MITD1: variants seen among roughly 807,000 people sequenced by gnomAD.
The protein encoded by MITD1 is microtubule interacting and trafficking domain containing 1.
Under a neutral mutation model 34.9 loss-of-function variants are expected in MITD1, and 24 were observed. The ratio of observed to expected loss-of-function variants is 0.69; its 90% CI spans 0.50 to 0.97. The LOEUF (loss-of-function observed/expected upper bound fraction) is 0.97. Among genes scored for constraint, MITD1 ranks in the 50% least tolerant of loss-of-function variants. The pLI, the probability that MITD1 is intolerant of heterozygous loss-of-function variation, is 0.00. For synonymous variants in MITD1, 102 were observed against 101.4 expected, an observed-to-expected ratio of 1.01 and a Z score of -0.04; for missense variants, 266 against 294.6, an observed-to-expected ratio of 0.90 and a Z score of 0.71.
intron 1 of MITD1, among the ~76,000 whole-genome samples, chr2:99,174,986 A>C (rs1255504504): frequency 6.6e-6 from 1 of 152,214 alleles, no homozygotes. Context: ...TCGGCCTCCC[A>C]AAGTGCTGGG....
Position 99,162,736 on chromosome 2 carries a change from A to G in MITD1, c.*4-518T>C, listed in dbSNP as rs1277039483. 1.9e-6 allele frequency: 3 copies of G among 1,614,226 alleles called. No homozygotes were observed. The Admixed American group carries it at 5.0e-5, about 27-fold the overall frequency. On this transcript the variant is annotated intron_variant, in intron 7 of 7. Transcript: ENST00000422537. Reference sequence around the variant, plus strand: ...GATGAGACACTGTTTCCTGGAATAAATAGCAAAGCCAAAGAACTGCAAACT... The same window carrying G: ...GATGAGACACTGTTTCCTGGAATAAGTAGCAAAGCCAAAGAACTGCAAACT...
intron 1 of MITD1, among the ~76,000 whole-genome samples, chr2:99,179,802 C>A (rs7568749): frequency 0.056 from 8,556 of 152,156 alleles, 473 homozygotes; most frequent in East Asian, 0.21. Context: ...ACCTCATGAT[C>A]CACCTGCCTC....
At chr2:99,176,685 C>T (rs11682366) in intron 1 of MITD1, among the ~76,000 whole-genome samples, 2 of 145,500 alleles carry the variant, frequency 1.4e-5, no homozygotes, top group African/African-American at 2.5e-5. Context: ...TGTGTGTGTG[C>T]GCGTGTGTGT....
chr2:99,170,610 C>G lies in MITD1; in HGVS notation c.520G>C (p.Glu174Gln). Residue 174 changes from glutamate (E) to glutamine (Q), a missense_variant, in exon 5 of 7, where the codon GAA (glutamate) becomes CAA (glutamine). Physicochemically the swap from Glu to Gln is conservative, Grantham distance 29. Transcript: ENST00000289359. Reference protein sequence around the residue: ...VQQSRGLQEIEESLRSHGVLL... With the variant: ...VQQSRGLQEIQESLRSHGVLL... ...ACTCCGTGACTCCTGAGTGACTCTT[C>G]TATTTCTTGCAGGCCTCTACTTTGC... The G allele has an allele frequency of 1.9e-6, 3 of 1,608,732 alleles. No individual in the cohort carries two copies. The highest frequency in any genetic ancestry group is 1.7e-6 in the Non-Finnish European group (2 of 1,175,788).
chr2:99,174,051 A>AAATAGTTTT lies in MITD1; in HGVS notation c.152-44_152-36dup, dbSNP rs1471478922. ...TAAAAATATATATTATCAAGTATCA[A>AAATAGTTTT]AATAGTTTTTCTATTTAATTTGGGC... On this transcript the variant is annotated intron_variant, in intron 1 of 6. Transcript: ENST00000289359. 5 of 1,081,490 alleles carry AAATAGTTTT rather than the reference A, an allele frequency of 4.6e-6. No individual in the cohort carries two copies. The African/African-American group carries it at 8.1e-5, about 18-fold the overall frequency. 67.0% of individuals were successfully genotyped at this position (1,081,490 alleles called of 1,614,324 possible).
chr2:99,162,745 C>T, intron 7 of MITD1: 1 of 1,614,058 alleles, frequency 6.2e-7, no homozygotes, highest in Non-Finnish European at 8.5e-7. Context: ...AATAGCAAAG[C>T]CAAAGAACTG....
intron 1 of MITD1, among the ~76,000 whole-genome samples, chr2:99,174,262 A>G (rs1454478627): frequency 1.3e-5 from 2 of 152,212 alleles, no homozygotes; most frequent in Non-Finnish European, 2.9e-5. Context: ...TCTCTGGGAC[A>G]TCAAATCTGG....
At chr2:99,168,384 G>C (rs1372300897), downstream of MITD1, among the ~76,000 whole-genome samples, 1 of 152,264 alleles carries the variant, frequency 6.6e-6, no homozygotes, top group Middle Eastern at 3.4e-3. Context: ...CAGGTGATCC[G>C]CCTGCCTTTG....
intron 4 of MITD1, 30 bp from the exon 5 acceptor site, chr2:99,170,682 C>T (rs776653313): frequency 1.4e-5 from 15 of 1,040,554 alleles, no homozygotes; most frequent in East Asian, 9.6e-5. Flanking sequence ...GATTATCTGC[C>T]GCAGTTATTA....
chr2:99,174,167 T>C, intron 1 of MITD1, 151 bp from the exon 2 acceptor site: 1 of 557,176 alleles, frequency 1.8e-6, no homozygotes, highest in South Asian at 2.4e-5. Context: ...AACTCAAATT[T>C]GGCTTGAACA....
Position 99,171,443 on chromosome 2 carries a change from G to A in MITD1, c.391-14C>T. On this transcript the variant is annotated splice_polypyrimidine_tract_variant and intron_variant, in intron 3 of 6. Transcript: ENST00000289359. Reference sequence around the variant, plus strand: ...AAAGTTATACAGCTAAAAGACATTAGAATGGATTATTACTAATTTAGTACA... The same window carrying A: ...AAAGTTATACAGCTAAAAGACATTAAAATGGATTATTACTAATTTAGTACA... 6.2e-7 allele frequency: 1 copy of A among 1,603,312 alleles called. No individual in the cohort carries two copies. Among genetic ancestry groups the A allele is most frequent in the Non-Finnish European group, 8.5e-7 (1 of 1,170,656 alleles).
In MITD1 at chr2:99,171,269, G is replaced by A. The variant is rs150586347; in HGVS notation, c.477+74C>T. ...AATCTAGCTGAAGCACTGCATCTGT[G>A]TTCTCCTTGACTGGACTACATCTTG... is the stretch of plus-strand genomic sequence containing the variant. On this transcript the variant is annotated intron_variant, in intron 4 of 6. Coordinates refer to ENST00000289359, the MANE Select transcript of MITD1 (RefSeq NM_138798.3). The A allele has an allele frequency of 8.7e-5, 96 of 1,106,116 alleles. No homozygotes were observed. The East Asian group carries it at 2.1e-3, about 24-fold the overall frequency. 68.5% of individuals were successfully genotyped at this position (1,106,116 alleles called of 1,614,324 possible). A position where few individuals can be genotyped will look rare whatever the true frequency, so the allele number is the denominator to read the frequency against.
intron 1 of MITD1, among the ~76,000 whole-genome samples, chr2:99,178,872 T>C (rs1173947602): frequency 3.3e-5 from 5 of 152,178 alleles, no homozygotes; most frequent in Non-Finnish European, 5.9e-5. Context: ...CCTTTAAACT[T>C]TACTTCTCAC....
Position 99,179,706 on chromosome 2 carries a change from G to A in MITD1, c.151+1125C>T, listed in dbSNP as rs142428272. Among the ~76,000 whole-genome samples, 1,002 of 152,196 alleles carry A rather than the reference G, an allele frequency of 6.6e-3. 12 individuals are homozygous for A. The highest frequency in any genetic ancestry group is 0.023 in the African/African-American group (970 of 41,536). ...GCCTCCCAAGTGGCTGGGACTACAG[G>A]TGCGTGCCACCATGCCCGGCTAATT... On this transcript the variant is annotated intron_variant, in intron 1 of 6. Transcript: ENST00000289359.
At chr2:99,171,451 T>C in intron 3 of MITD1, 22 bp from the exon 4 acceptor site, 1 of 1,596,474 alleles carries the variant, frequency 6.3e-7, no homozygotes, top group South Asian at 1.1e-5. Context: ...TAGAATGGAT[T>C]ATTACTAATT....
At chr2:99,165,017 C>T (rs1054455030), downstream of MITD1, among the ~76,000 whole-genome samples, 1 of 96,332 alleles carries the variant, frequency 1.0e-5, no homozygotes, top group Admixed American at 1.4e-4. Flanking sequence ...GTCAAAATGG[C>T]ATACACACAC....
At chr2:99,167,621 G>C (rs1030461090), downstream of MITD1, among the ~76,000 whole-genome samples, 5 of 152,062 alleles carry the variant, frequency 3.3e-5, no homozygotes, top group Non-Finnish European at 7.4e-5. Flanking sequence ...TTAACATGAA[G>C]GTAAAGAGGC....
chr2:99,162,001 G>A (rs1454366201), exon 8 of MITD1: 1 of 1,611,956 alleles, frequency 6.2e-7, no homozygotes, highest in Middle Eastern at 1.7e-4. Context: ...CAGTTACTTT[G>A]TAACTGCCAG....
intron 1 of MITD1, 96 bp from the exon 2 acceptor site, chr2:99,174,112 C>T (rs2093873712): frequency 1.4e-6 from 1 of 698,418 alleles, no homozygotes; most frequent in South Asian, 2.0e-5. Context: ...TACAAATTTC[C>T]TATCCTCTAG....
Sources: gnomAD v4.1 joint callset for allele counts (sites outside exome capture counted in the v4.1 genomes callset) on GRCh38, gnomAD v4.1.1 for gene constraint, MANE v1.5 for transcripts, NCBI Gene and HGNC (gene_info 2026-07-23, HGNC 2026-07-21) for gene names.